Variants in GPC5 observed in about 807,000 individuals in gnomAD.
The protein encoded by GPC5 is glypican-5.
In GPC5, 47 loss-of-function variants were observed where a neutral mutation model predicts 53.9. The ratio of observed to expected loss-of-function variants is 0.87; its 90% confidence interval spans 0.69 to 1.11. The LOEUF (loss-of-function observed/expected upper bound fraction) is 1.11, where lower values mean the gene tolerates loss of function less well. GPC5 is among the 50% of genes most tolerant of loss of function. The probability of loss-of-function intolerance (pLI) is 0.00; values close to 1 mark genes in which losing one functional copy is unlikely to be tolerated. For synonymous variants in GPC5, 286 were observed against 263.3 expected (o/e 1.09, Z -0.84); for missense variants, 748 against 713.1 (o/e 1.05, Z -0.56).
At position 92,207,534 on chromosome 13, in the gene GPC5, C is replaced by T. The variant is rs141127274; in HGVS notation, c.1561+62545C>T. ...AATATAGTTAGACCAGTATTCTCCC[C>T]ACCTCTACTTCTCCTGATCCTCCAG... On this transcript the variant is annotated intron_variant, in intron 7 of 7. Coordinates refer to ENST00000377067, the MANE Select transcript of GPC5 (RefSeq NM_004466.6). Among the ~76,000 whole-genome samples the T allele has an allele frequency of 1.6e-3, 242 of 152,252 alleles. 1 individual carries two copies. The highest frequency in any genetic ancestry group is 5.6e-3 in the African/African-American group (234 of 41,540).
chr13:92,503,406 C>T (rs895245661), intron 7 of GPC5, among the ~76,000 whole-genome samples: 1 of 151,354 alleles, frequency 6.6e-6, no homozygotes, highest in Non-Finnish European at 1.5e-5. Context: ...AGTGCTTAGC[C>T]AGAAACTTGT....
intron 5 of GPC5, among the ~76,000 whole-genome samples, chr13:91,810,707 A>T (rs2038297288): frequency 6.6e-6 from 1 of 151,954 alleles, no homozygotes; most frequent in Admixed American, 6.6e-5. Flanking sequence ...CAATTATGCT[A>T]TGTCGTTATA....
At chr13:92,813,081 A>G (rs1187371419) in intron 7 of GPC5, among the ~76,000 whole-genome samples, 1 of 151,928 alleles carries the variant, frequency 6.6e-6, no homozygotes, top group Admixed American at 6.6e-5. Flanking sequence ...GCTTATTTAC[A>G]TAATGGGAAA....
chr13:91,444,897 C>T (rs1880677649), intron 1 of GPC5, among the ~76,000 whole-genome samples: 1 of 152,174 alleles, frequency 6.6e-6, no homozygotes, highest in Non-Finnish European at 1.5e-5. Flanking sequence ...TGTTTCAAGA[C>T]CCACAGTAGA....
chr13:92,543,426 G>A (rs749306126), intron 7 of GPC5, among the ~76,000 whole-genome samples: 1 of 141,428 alleles, frequency 7.1e-6, no homozygotes, highest in African/African-American at 2.5e-5. Context: ...TTATTTTGAT[G>A]TTTTTTTTCT....
chr13:92,401,400 G>C (rs574274489), intron 7 of GPC5, among the ~76,000 whole-genome samples: 1 of 151,668 alleles, frequency 6.6e-6, no homozygotes, highest in Non-Finnish European at 1.5e-5. Flanking sequence ...ACTTCCTTTC[G>C]CTAATGTATT....
chr13:91,529,844 A>G (rs1046740520), intron 2 of GPC5, among the ~76,000 whole-genome samples: 32 of 152,220 alleles, frequency 2.1e-4, no homozygotes, highest in African/African-American at 7.2e-4. Context: ...GTTTTCTACT[A>G]TGACCTCATG....
At chr13:92,782,360 T>C (rs1189290078) in intron 7 of GPC5, among the ~76,000 whole-genome samples, 1 of 152,150 alleles carries the variant, frequency 6.6e-6, no homozygotes, top group East Asian at 1.9e-4. Context: ...AGAATAAGAA[T>C]ACACATAGGC....
rs4271478 is a variant in GPC5, at chr13:91,986,547, G to T, written c.1401+78490G>T. Among the ~76,000 whole-genome samples the T allele has an allele frequency of 8.9e-3, 1,354 of 152,154 alleles. 25 individuals are homozygous for T. Among genetic ancestry groups the T allele is most frequent in the African/African-American group, 0.031 (1,273 of 41,508 alleles). ...CAACCATATGTTTCTTTAAGTCCCAGATCTTCTACTCTCTGCAGCAAGCAT... is the reference window on the plus strand; with the variant it reads ...CAACCATATGTTTCTTTAAGTCCCATATCTTCTACTCTCTGCAGCAAGCAT... On this transcript the variant is annotated intron_variant, in intron 6 of 7. Coordinates refer to ENST00000377067, the MANE Select transcript of GPC5 (RefSeq NM_004466.6).
intron 5 of GPC5, among the ~76,000 whole-genome samples, chr13:91,784,482 C>T (rs1390188854): frequency 1.3e-5 from 2 of 151,878 alleles, no homozygotes; most frequent in South Asian, 2.1e-4. Flanking sequence ...CCCAGCACTT[C>T]GGGAGGCCAA....
intron 7 of GPC5, among the ~76,000 whole-genome samples, chr13:92,166,960 A>T (rs953725131): frequency 0.084 from 6,244 of 74,774 alleles, 232 homozygotes; most frequent in African/African-American, 0.18. Flanking sequence ...TCTCTCTCAC[A>T]CACACACACA....
intron 7 of GPC5, among the ~76,000 whole-genome samples, chr13:92,531,160 T>G (rs1183278738): frequency 6.6e-6 from 1 of 152,156 alleles, no homozygotes; most frequent in Non-Finnish European, 1.5e-5. Context: ...AAAGCCTATA[T>G]TCTTTTTCTA....
chr13:91,694,738 G>T (rs970039115), intron 3 of GPC5, among the ~76,000 whole-genome samples: 18 of 152,146 alleles, frequency 1.2e-4, no homozygotes, highest in Non-Finnish European at 2.5e-4. Flanking sequence ...GGCTGGCATT[G>T]ATTTACCAAA....
At chr13:92,412,318 T>A (rs1876080510) in intron 7 of GPC5, among the ~76,000 whole-genome samples, 1 of 152,110 alleles carries the variant, frequency 6.6e-6, no homozygotes, top group Non-Finnish European at 1.5e-5. Flanking sequence ...TCAGAATATA[T>A]CAGTGAGTAA....
intron 1 of GPC5, among the ~76,000 whole-genome samples, chr13:91,436,696 G>A (rs578078274): frequency 5.3e-5 from 8 of 152,260 alleles, no homozygotes; most frequent in South Asian, 4.2e-4. Context: ...GTAGATGTCT[G>A]TTAGGTCTGC....
intron 7 of GPC5, among the ~76,000 whole-genome samples, chr13:92,563,778 A>C (rs917403332): frequency 1.6e-4 from 24 of 152,114 alleles, no homozygotes; most frequent in African/African-American, 5.8e-4. Context: ...GGGATAGATA[A>C]GTTTTTCTCT....
intron 7 of GPC5, among the ~76,000 whole-genome samples, chr13:92,520,966 A>G (rs547546753): frequency 1.7e-4 from 26 of 152,368 alleles, no homozygotes; most frequent in African/African-American, 6.0e-4. Flanking sequence ...AAAAATCACA[A>G]GCATTCTTAT....
At chr13:91,642,306 A>T (rs777334384) in intron 2 of GPC5, among the ~76,000 whole-genome samples, 3 of 152,206 alleles carry the variant, frequency 2.0e-5, no homozygotes, top group Non-Finnish European at 2.9e-5. Context: ...TGGTTTTAAT[A>T]AAGTCATTGG....
chr13:92,374,266 A>G (rs1015947465), intron 7 of GPC5, among the ~76,000 whole-genome samples: 3 of 152,170 alleles, frequency 2.0e-5, no homozygotes, highest in Non-Finnish European at 2.9e-5. Context: ...CACACCTTGA[A>G]TTGGATGAGA....
Sources: gnomAD v4.1 joint callset for allele counts (sites outside exome capture counted in the v4.1 genomes callset) on GRCh38, gnomAD v4.1.1 for gene constraint, MANE v1.5 for transcripts, NCBI Gene and HGNC (gene_info 2026-07-23, HGNC 2026-07-21) for gene names.